The following ZNF518A variants were observed in gnomAD, a reference collection of about 807,000 sequenced individuals.
ZNF518A encodes zinc finger protein 518.
Under a neutral mutation model 102.7 loss-of-function variants are expected in ZNF518A, and 47 were observed. The ratio of observed to expected loss-of-function variants is 0.46; its 90% CI spans 0.36 to 0.58. The LOEUF (loss-of-function observed/expected upper bound fraction) is 0.58. Among genes scored for constraint, ZNF518A ranks in the 20% least tolerant of loss-of-function variants. ZNF518A has a pLI of 0.00. For synonymous variants in ZNF518A, 652 were observed against 594.6 expected, an observed-to-expected ratio of 1.10 and a Z score of -1.40; for missense variants, 1,793 against 1,699.8, an observed-to-expected ratio of 1.05 and a Z score of -0.96.
At chr10:96,204,215 T>G, downstream of ZNF518A, 1 of 1,061,662 alleles carries the variant, frequency 9.4e-7, no homozygotes, top group Non-Finnish European at 1.4e-6. Flanking sequence ...GCCAATAAAA[T>G]GTATCTAAAG....
chr10:96,194,454 G>T (rs2083407593), intron 1 of ZNF518A, among the ~76,000 whole-genome samples: 1 of 152,094 alleles, frequency 6.6e-6, no homozygotes, highest in Admixed American at 6.6e-5. Flanking sequence ...TGATTTTTTG[G>T]ATATGACATT....
In ZNF518A at chr10:96,159,412, C is replaced by T. The variant is rs781979834; in HGVS notation, c.3090C>T (p.Ser1030=). 6.8e-6 allele frequency: 11 copies of T among 1,613,664 alleles called. No individual in the cohort carries two copies. The highest frequency in any genetic ancestry group is 3.3e-5 in the Admixed American group (2 of 59,928). Residue 1030 remains serine (S), a synonymous_variant, in exon 6 of 6, where the codon AGC becomes AGT. Coordinates refer to ENST00000316045, the MANE Select transcript of ZNF518A (RefSeq NM_001330736.2). ...GTCTTACACCTGGACTTTGTTCCAG[C>T]ATTGGCAGTTGTTTGAGCATGAAAA... The part of the protein sequence containing the change: ...NNCLTPGLCS[S]IGSCLSMKSS...
intron 1 of ZNF518A, chr10:96,191,771 C>T (rs1213888274): frequency 8.5e-6 from 5 of 591,236 alleles, no homozygotes; most frequent in African/African-American, 5.6e-5. Flanking sequence ...CAGATATTAA[C>T]AGTTCATCAG....
intron 1 of ZNF518A, among the ~76,000 whole-genome samples, chr10:96,185,769 C>G (rs2083268399): frequency 6.6e-6 from 1 of 152,152 alleles, no homozygotes; most frequent in Non-Finnish European, 1.5e-5. Flanking sequence ...CAGGGGAGGA[C>G]ATTTAAGTCT....
In ZNF518A at chr10:96,163,101, A is replaced by G. The variant is rs899376335; in HGVS notation, c.*2327A>G. ...CTAATATTCGCAGCACTATAACATT[A>G]CATTTCAGAATAGCCATATCAGGAA... On this transcript the variant is annotated 3_prime_UTR_variant, in exon 6 of 6. Coordinates refer to ENST00000316045, the MANE Select transcript of ZNF518A (RefSeq NM_001330736.2). 2.4e-5 allele frequency: 4 copies of G among 167,060 alleles called. No individual in the cohort carries two copies. In the Admixed American group the frequency reaches 2.6e-4, roughly 11 times the overall value. 10.3% of individuals were successfully genotyped at this position (167,060 alleles called of 1,614,324 possible).
At chr10:96,164,534 T>C (rs1320580446), downstream of ZNF518A, among the ~76,000 whole-genome samples, 1 of 152,218 alleles carries the variant, frequency 6.6e-6, no homozygotes, top group Non-Finnish European at 1.5e-5. Context: ...ATGCCTCTCT[T>C]AATAACTGGA....
chr10:96,181,185 T>TG (rs2083238138), intron 1 of ZNF518A, among the ~76,000 whole-genome samples: 1 of 152,222 alleles, frequency 6.6e-6, no homozygotes, highest in African/African-American at 2.4e-5. Context: ...CACTTTTTGA[T>TG]GGGGTTGTTT....
At chr10:96,142,820 T>A (rs1369506889) in intron 3 of ZNF518A, among the ~76,000 whole-genome samples, 1 of 151,506 alleles carries the variant, frequency 6.6e-6, no homozygotes, top group African/African-American at 2.4e-5. Flanking sequence ...TTTTTTTTTT[T>A]ATTGCGACAG....
chr10:96,147,127 G>T (rs1167828958), intron 3 of ZNF518A, among the ~76,000 whole-genome samples: 1 of 152,194 alleles, frequency 6.6e-6, no homozygotes, highest in Non-Finnish European at 1.5e-5. Flanking sequence ...CCATGCAGTT[G>T]ATCTGGATAT....
intron 3 of ZNF518A, among the ~76,000 whole-genome samples, chr10:96,139,628 A>G (rs1185505291): frequency 1.3e-5 from 2 of 152,202 alleles, no homozygotes; most frequent in Admixed American, 6.5e-5. Flanking sequence ...GACACTTGGG[A>G]AACCACCAAG....
chr10:96,157,477 C>G lies in ZNF518A; in HGVS notation c.1155C>G (p.Ala385=), dbSNP rs782169818. The change falls in exon 6 of 6, where the codon GCC becomes GCG. Residue 385 remains alanine, a synonymous_variant. Transcript: ENST00000316045. The stretch of plus-strand genomic sequence containing the variant: ...TACACTGTGAGAATAATGATAAAGC[C>G]CCTGAATCAGAGTCAGAGAAGCCAA... ...ERLHCENNDK[A]PESESEKPTP... 4 of 1,613,444 alleles carry G rather than the reference C, an allele frequency of 2.5e-6. No individual in the cohort carries two copies. The South Asian group carries it at 3.3e-5, about 13-fold the overall frequency.
intron 1 of ZNF518A, chr10:96,199,983 G>T: frequency 3.4e-6 from 3 of 889,504 alleles, no homozygotes; most frequent in South Asian, 6.3e-5. Flanking sequence ...AGCTGAGATC[G>T]AGCCACTGCA....
At chr10:96,144,640 A>G (rs2082087633) in intron 3 of ZNF518A, among the ~76,000 whole-genome samples, 1 of 152,326 alleles carries the variant, frequency 6.6e-6, no homozygotes, top group East Asian at 1.9e-4. Flanking sequence ...AAGTGTTACT[A>G]GGTCCATATG....
At chr10:96,184,768 C>A (rs904666054) in intron 1 of ZNF518A, among the ~76,000 whole-genome samples, 1 of 152,140 alleles carries the variant, frequency 6.6e-6, no homozygotes, top group Non-Finnish European at 1.5e-5. Context: ...GTGAATCTGA[C>A]AATTATGTGT....
chr10:96,182,618 T>A (rs1307384489), intron 1 of ZNF518A, among the ~76,000 whole-genome samples: 3 of 152,238 alleles, frequency 2.0e-5, no homozygotes, highest in African/African-American at 7.2e-5. Context: ...GTTTATGTGA[T>A]GGATTATGTT....
At chr10:96,197,818 A>G (rs2083510581) in intron 1 of ZNF518A, among the ~76,000 whole-genome samples, 1 of 151,850 alleles carries the variant, frequency 6.6e-6, no homozygotes, top group East Asian at 1.9e-4. Context: ...CGGGAGGCTG[A>G]GGCAGAAGAA....
Position 96,162,794 on chromosome 10 carries a change from G to C in ZNF518A, c.*2020G>C, listed in dbSNP as rs193143695. ...GAAATTTTGTTCTCTAGGAAATACA[G>C]ATTTTAAAGTGTATGTGTTTTTTCA... On this transcript the variant is annotated 3_prime_UTR_variant, in exon 6 of 6. Transcript: ENST00000316045. The C allele has an allele frequency of 6.0e-6, 1 of 166,646 alleles. No homozygotes were observed. Among genetic ancestry groups the C allele is most frequent in the East Asian group, 1.9e-4 (1 of 5,196 alleles). 10.3% of individuals were successfully genotyped at this position (166,646 alleles called of 1,614,324 possible). A position where few individuals can be genotyped will look rare whatever the true frequency, so the allele number is the denominator to read the frequency against.
chr10:96,190,038 T>C (rs1490590175), intron 1 of ZNF518A: 3 of 809,192 alleles, frequency 3.7e-6, no homozygotes, highest in Non-Finnish European at 6.5e-6. Flanking sequence ...TTGCCTCTGC[T>C]TCAACAATGT....
chr10:96,139,877 A>G (rs2081825677), intron 3 of ZNF518A, among the ~76,000 whole-genome samples: 1 of 152,104 alleles, frequency 6.6e-6, no homozygotes, highest in African/African-American at 2.4e-5. Flanking sequence ...TATTTTTTCG[A>G]GACGGAGTTT....
Sources: allele counts gnomAD v4.1 joint callset (sites outside exome capture counted in the v4.1 genomes callset), GRCh38; gene constraint gnomAD v4.1.1; transcripts MANE v1.5; gene names NCBI Gene and HGNC (gene_info 2026-07-23, HGNC 2026-07-21).